The following REST variants were observed in gnomAD, a reference collection of about 807,000 sequenced individuals.
The protein encoded by REST is RE1-silencing transcription factor.
REST carries 1 observed loss-of-function variant against 30.4 expected under a neutral mutation model. The ratio of observed to expected loss-of-function variants is 0.03; its 90% CI spans 0.01 to 0.16. REST has a LOEUF of 0.16. Among genes scored for constraint, REST ranks in the 10% least tolerant of loss-of-function variants. REST has a pLI of 1.00. For missense variants in REST, 1,259 were observed against 1,329.5 expected (o/e 0.95, Z 0.82); for synonymous variants, 504 against 451.1 (o/e 1.12, Z -1.49).
chr4:56,925,368 A>G (rs1385446036), intron 3 of REST, among the ~76,000 whole-genome samples: 1 of 150,012 alleles, frequency 6.7e-6, no homozygotes, highest in Non-Finnish European at 1.5e-5. Context: ...TTGTGCTATA[A>G]CATGTGGCTA....
Position 56,931,950 on chromosome 4 carries a change from G to C in REST, c.3092G>C (p.Gly1031Ala). The change falls in exon 4 of 4, where the codon GGA becomes GCA. Residue 1031 changes from glycine to alanine, a missense_variant. By Grantham distance (60) the Gly-to-Ala change is moderately conservative. Transcript: ENST00000309042. The part of the protein sequence containing the change: ...DNMSEGSDDS[G>A]LHGARPVPQE... ...ATGTCAGAGGGTAGTGATGATTCTGGATTGCATGGGGCTCGGCCAGTTCCA... is the reference window on the plus strand; with the variant it reads ...ATGTCAGAGGGTAGTGATGATTCTGCATTGCATGGGGCTCGGCCAGTTCCA... 6.2e-7 allele frequency: 1 copy of C among 1,614,234 alleles called. No individual in the cohort carries two copies. The highest frequency in any genetic ancestry group is 8.5e-7 in the Non-Finnish European group (1 of 1,180,038).
chr4:56,930,640 G>C lies in REST; in HGVS notation c.1782G>C (p.Lys594Asn), dbSNP rs757241783. 6.2e-7 allele frequency: 1 copy of C among 1,613,456 alleles called. No homozygotes were observed. Among genetic ancestry groups the C allele is most frequent in the Non-Finnish European group, 8.5e-7 (1 of 1,179,920 alleles). Residue 594 changes from lysine (K) to asparagine (N), a missense_variant, in exon 4 of 4, where the codon AAG (lysine) becomes AAC (asparagine). By Grantham distance (94) the Lys-to-Asn change is moderately conservative. This residue lies in a region of REST where 856 missense variants were observed against 772.8 expected (regional missense o/e 1.11). Coordinates refer to ENST00000309042, the MANE Select transcript of REST (RefSeq NM_005612.5). ...LKNKSSKKSS[K>N]PPQKEPVEKG... ...ATAAATCAAGTAAGAAAAGCAGTAAGCCTCCTCAGAAGGAACCTGTTGAGA... is the reference window on the plus strand; with the variant it reads ...ATAAATCAAGTAAGAAAAGCAGTAACCCTCCTCAGAAGGAACCTGTTGAGA...
In REST at chr4:56,931,535, C is replaced by G. The variant is rs749471105; in HGVS notation, c.2677C>G (p.Pro893Ala). The G allele has an allele frequency of 4.3e-6, 7 of 1,614,036 alleles. No individual in the cohort carries two copies. The African/African-American group carries it at 5.3e-5, about 12-fold the overall frequency. The change falls in exon 4 of 4, where the codon CCT (proline) becomes GCT (alanine). Residue 893 changes from proline to alanine, a missense_variant. Transcript: ENST00000309042. ...LNTGEGNKEAPLQKVGAEEAD... is the reference protein window; with the variant it reads ...LNTGEGNKEAALQKVGAEEAD... ...CACAGGTGAAGGAAATAAAGAAGCC[C>G]CTCTTCAGAAAGTAGGAGCAGAAGA...
In REST at chr4:56,931,951, A is replaced by G; in HGVS notation, c.3093A>G (p.Gly1031=). The change falls in exon 4 of 4, where the codon GGA becomes GGG. Residue 1031 remains glycine (G), a synonymous_variant. Coordinates refer to ENST00000309042, the MANE Select transcript of REST (RefSeq NM_005612.5). ...DNMSEGSDDS[G]LHGARPVPQE... is the part of the protein sequence containing the mutation. ...TGTCAGAGGGTAGTGATGATTCTGG[A>G]TTGCATGGGGCTCGGCCAGTTCCAC... The G allele has an allele frequency of 1.2e-6, 2 of 1,614,246 alleles. No individual in the cohort carries two copies. Among genetic ancestry groups the G allele is most frequent in the Non-Finnish European group, 1.7e-6 (2 of 1,180,034 alleles).
rs1263782489 is a variant in REST at position 56,934,763 on chromosome 4, G to T, written c.*2611G>T. Reference sequence around the variant, plus strand: ...CCTAGAATTTTCCCTTTGGATAAAAGAACAAAAATTGAACATGTTATTTGT... The same window carrying T: ...CCTAGAATTTTCCCTTTGGATAAAATAACAAAAATTGAACATGTTATTTGT... On this transcript the variant is annotated 3_prime_UTR_variant, in exon 4 of 4. Transcript: ENST00000309042. 1 of 152,072 alleles carries T rather than the reference G, an allele frequency of 6.6e-6. No individual in the cohort carries two copies. Among genetic ancestry groups the T allele is most frequent in the Non-Finnish European group, 1.5e-5 (1 of 67,970 alleles). 9.4% of individuals were successfully genotyped at this position (152,072 alleles called of 1,614,324 possible).
At chr4:56,910,575 C>A in intron 1 of REST, 55 bp from the exon 2 acceptor site, 1 of 1,425,208 alleles carries the variant, frequency 7.0e-7, no homozygotes, top group South Asian at 1.4e-5. Flanking sequence ...TGGTTTTAAG[C>A]CAGTAACAGT....
At chr4:56,916,261 C>T (rs1720189916) in intron 2 of REST, among the ~76,000 whole-genome samples, 2 of 152,106 alleles carry the variant, frequency 1.3e-5, no homozygotes, top group African/African-American at 4.8e-5. Context: ...TAAAGAAAAC[C>T]TTTTTGCCTG....
intron 3 of REST, among the ~76,000 whole-genome samples, chr4:56,929,065 AT>A (rs201103514): frequency 0.11 from 15,522 of 140,016 alleles, 1,182 homozygotes; most frequent in East Asian, 0.22. Flanking sequence ...TGCCTGGCTA[AT>A]TTTTTTTTTT....
rs1287780736 is a variant in REST at position 56,922,328 on chromosome 4, T to C, written c.982+2458T>C. 5.4e-5 allele frequency: 8 copies of C among 148,762 alleles called. No individual in the cohort carries two copies. In the Admixed American group the frequency reaches 5.4e-4, roughly 10 times the overall value. 9.2% of individuals were successfully genotyped at this position (148,762 alleles called of 1,614,324 possible). A position where few individuals can be genotyped will look rare whatever the true frequency, so the allele number is the denominator to read the frequency against. On this transcript the variant is annotated intron_variant, in intron 3 of 3. Transcript: ENST00000309042. ...TTATTATTATTACTTTTTTTTTTTT[T>C]CTGAGATGGAGTTTCGCTCTTGTTG...
chr4:56,909,816 C>T (rs1719812773), intron 1 of REST, among the ~76,000 whole-genome samples: 1 of 152,050 alleles, frequency 6.6e-6, no homozygotes, highest in Admixed American at 6.5e-5. Context: ...GCAAGTAGGC[C>T]AAGTCAAGCA....
chr4:56,928,930 G>T lies in REST; in HGVS notation c.983-911G>T, dbSNP rs147771407. Reference sequence around the variant, plus strand: ...TGATTTATTTTTGAGACAGGGCCTTGCTCTGTTGCCCAGGTTGGAGTTCAG... The same window carrying T: ...TGATTTATTTTTGAGACAGGGCCTTTCTCTGTTGCCCAGGTTGGAGTTCAG... On this transcript the variant is annotated intron_variant, in intron 3 of 3. Coordinates refer to ENST00000309042, the MANE Select transcript of REST (RefSeq NM_005612.5). Among the ~76,000 whole-genome samples the T allele has an allele frequency of 5.2e-4, 79 of 151,782 alleles. No homozygotes were observed. The South Asian group carries it at 0.011, about 20-fold the overall frequency.
intron 2 of REST, among the ~76,000 whole-genome samples, chr4:56,911,845 G>A (rs1719933922): frequency 6.6e-6 from 1 of 152,154 alleles, no homozygotes; most frequent in African/African-American, 2.4e-5. Flanking sequence ...TAGACTGGCC[G>A]TGCATGGTGG....
intron 2 of REST, among the ~76,000 whole-genome samples, chr4:56,915,512 T>G (rs1322298572): frequency 4.0e-5 from 6 of 151,760 alleles, no homozygotes; most frequent in Non-Finnish European, 8.8e-5. Context: ...CCTCTCAAGG[T>G]GCTGGAATTA....
rs149111911 is a variant in REST, at chr4:56,911,001, T to C, written c.363T>C (p.Pro121=). 18 of 1,614,056 alleles carry C rather than the reference T, an allele frequency of 1.1e-5. No individual in the cohort carries two copies. In the African/African-American group the frequency reaches 2.3e-4, roughly 20 times the overall value. ...LRSLELSVVE[P]QPVFEASGAP... is the part of the protein sequence containing the mutation. ...GTTTGGAACTCAGCGTCGTAGAACC[T>C]CAGCCTGTATTTGAGGCATCAGGTG... is the stretch of plus-strand genomic sequence containing the variant. Residue 121 remains proline (P), a synonymous_variant, in exon 2 of 4, where the codon CCT becomes CCC. Transcript: ENST00000309042.
rs1364092251 is a variant in REST at position 56,931,612 on chromosome 4, T to C, written c.2754T>C (p.His918=). Residue 918 remains histidine, a synonymous_variant, in exon 4 of 4, where the codon CAT becomes CAC. Transcript: ENST00000309042. ...CTGCTAATATCAACGAATCTACCCA[T>C]ATTTCATCCTCTGGACAAAACTTGA... The part of the protein sequence containing the change: ...GLAANINEST[H]ISSSGQNLNT... The C allele has an allele frequency of 1.2e-6, 2 of 1,614,242 alleles. No homozygotes were observed. Among genetic ancestry groups the C allele is most frequent in the South Asian group, 1.1e-5 (1 of 91,084 alleles).
In REST at chr4:56,916,152, A is replaced by G. The variant is rs368095474; in HGVS notation, c.899-3635A>G. ...AGTTCAGCAATCTCGACTCACTGCA[A>G]CCTCCACCAAAAGGGTGGGGGGAGC... On this transcript the variant is annotated intron_variant, in intron 2 of 3. Coordinates refer to ENST00000309042, the MANE Select transcript of REST (RefSeq NM_005612.5). Among the ~76,000 whole-genome samples, 281 of 142,252 alleles carry G rather than the reference A, an allele frequency of 2.0e-3. 1 individual carries two copies. Among genetic ancestry groups the G allele is most frequent in the African/African-American group, 6.8e-3 (263 of 38,792 alleles). The allele number at this position is 142,252 out of a possible 152,430, so 93.3% of individuals were successfully genotyped here.
chr4:56,918,948 G>T (rs534442039), intron 2 of REST, among the ~76,000 whole-genome samples: 41 of 150,370 alleles, frequency 2.7e-4, no homozygotes, highest in African/African-American at 9.8e-4. Context: ...TGGGGTTACA[G>T]TCAGGGGCCA....
intron 3 of REST, among the ~76,000 whole-genome samples, chr4:56,923,653 C>A (rs1720550731): frequency 6.6e-6 from 1 of 152,036 alleles, no homozygotes; most frequent in Admixed American, 6.6e-5. Context: ...CCCACCTCAG[C>A]CTCCCAAAGT....
In REST at chr4:56,931,521, G is replaced by A. The variant is rs780130348; in HGVS notation, c.2663G>A (p.Gly888Glu). 6.2e-7 allele frequency: 1 copy of A among 1,614,156 alleles called. No individual in the cohort carries two copies. The highest frequency in any genetic ancestry group is 2.2e-5 in the East Asian group (1 of 44,874). ...CAAAAATTACTCAACACAGGTGAAGGAAATAAAGAAGCCCCTCTTCAGAAA... is the reference window on the plus strand; with the variant it reads ...CAAAAATTACTCAACACAGGTGAAGAAAATAAAGAAGCCCCTCTTCAGAAA... ...GDQKLLNTGE[G>E]NKEAPLQKVG... Residue 888 changes from glycine to glutamate, a missense_variant, in exon 4 of 4, where the codon GGA becomes GAA. Physicochemically the swap from Gly to Glu is moderately conservative, Grantham distance 98. This residue lies in a region of REST where 856 missense variants were observed against 772.8 expected (regional missense o/e 1.11). Transcript: ENST00000309042.
Sources: gnomAD v4.1 joint callset for allele counts (sites outside exome capture counted in the v4.1 genomes callset) on GRCh38, gnomAD v4.1.1 for gene constraint, gnomAD v4.1.1 regional missense constraint, MANE v1.5 for transcripts, NCBI Gene and HGNC (gene_info 2026-07-23, HGNC 2026-07-21) for gene names.